SEMA4D: variants seen among roughly 807,000 people sequenced by gnomAD.
The protein encoded by SEMA4D is semaphorin 4D.
A neutral mutation model predicts 74.8 loss-of-function variants in SEMA4D; 22 were observed. The ratio of observed to expected loss-of-function variants is 0.29; its 90% CI spans 0.21 to 0.42. The LOEUF is 0.42. SEMA4D is among the 10% of genes least tolerant of loss of function. The probability of loss-of-function intolerance (pLI) is 1.00; values close to 1 mark genes in which losing one functional copy is unlikely to be tolerated. For missense variants in SEMA4D, 937 were observed against 1,118.4 expected (o/e 0.84, Z 2.31); for synonymous variants, 445 against 463.7 (o/e 0.96, Z 0.52).
downstream of SEMA4D, chr9:89,376,939 C>T (rs544520252): frequency 6.6e-5 from 103 of 1,550,776 alleles, no homozygotes; most frequent in South Asian, 9.4e-4. Context: ...TGTCGGGCCC[C>T]GCACCCGAGG....
chr9:89,450,105 G>C, intron 2 of SEMA4D: 1 of 1,222,892 alleles, frequency 8.2e-7, no homozygotes, highest in Non-Finnish European at 1.2e-6. Flanking sequence ...CATGCCAATA[G>C]AAGGTATGCT....
intron 16 of SEMA4D, among the ~76,000 whole-genome samples, chr9:89,371,951 G>T (rs1835002023): frequency 6.9e-6 from 1 of 144,150 alleles, no homozygotes; most frequent in Non-Finnish European, 1.5e-5. Context: ...GGTGTGTGTG[G>T]GGTGTGGTGT....
intron 2 of SEMA4D, among the ~76,000 whole-genome samples, chr9:89,415,241 T>C (rs1845468364): frequency 6.6e-6 from 1 of 152,120 alleles, no homozygotes; most frequent in Non-Finnish European, 1.5e-5. Flanking sequence ...CTAGCAAAAA[T>C]AATCATCTTC....
At chr9:89,439,028 C>T (rs1340817811) in intron 2 of SEMA4D, among the ~76,000 whole-genome samples, 1 of 119,608 alleles carries the variant, frequency 8.4e-6, no homozygotes, top group Non-Finnish European at 1.6e-5. Context: ...ATCGCCCAGG[C>T]TGGAATGCAA....
intron 3 of SEMA4D, among the ~76,000 whole-genome samples, chr9:89,404,106 A>G (rs1218624648): frequency 6.6e-6 from 1 of 152,150 alleles, no homozygotes; most frequent in African/African-American, 2.4e-5. Context: ...TAAGCTCTCA[A>G]TCCACTGAGT....
At chr9:89,371,463 G>GGTA (rs2132451971) in intron 16 of SEMA4D, among the ~76,000 whole-genome samples, 1 of 107,948 alleles carries the variant, frequency 9.3e-6, no homozygotes, top group East Asian at 2.9e-4. Context: ...TCTGGGGTGT[G>GGTA]TGTGTGGGGT....
chr9:89,401,464 A>C (rs1281788915), intron 4 of SEMA4D, among the ~76,000 whole-genome samples: 1 of 152,224 alleles, frequency 6.6e-6, no homozygotes, highest in Non-Finnish European at 1.5e-5. Context: ...TCTGGGCAGA[A>C]AATGTCCAGC....
chr9:89,385,912 C>G, intron 13 of SEMA4D: 1 of 755,450 alleles, frequency 1.3e-6, no homozygotes. Flanking sequence ...GTATTGCAGG[C>G]CAGACCAGAG....
At chr9:89,449,623 G>A in intron 2 of SEMA4D, 2 of 1,207,932 alleles carry the variant, frequency 1.7e-6, no homozygotes, top group Non-Finnish European at 1.2e-6. Flanking sequence ...CCAACTATAA[G>A]ATGGGGGGGT....
rs1836186994 is a variant in SEMA4D, at chr9:89,378,276, T to TA, written c.*427dup. 1 of 162,960 alleles carries TA rather than the reference T, an allele frequency of 6.1e-6. No individual in the cohort carries two copies. The highest frequency in any genetic ancestry group is 5.9e-5 in the Admixed American group (1 of 16,972). The allele number at this position is 162,960 out of a possible 1,614,324, so 10.1% of individuals were successfully genotyped here. A position where few individuals can be genotyped will look rare whatever the true frequency, so the allele number is the denominator to read the frequency against. ...TCGTGCCAATCTGGACAACAGGCGA[T>TA]AAGTTACCAATCTGATAAACTAAAA... On this transcript the variant is annotated 3_prime_UTR_variant, in exon 16 of 16. Transcript: ENST00000422704.
intron 2 of SEMA4D, among the ~76,000 whole-genome samples, chr9:89,410,476 A>T (rs1391701412): frequency 6.6e-6 from 1 of 152,172 alleles, no homozygotes; most frequent in East Asian, 1.9e-4. Flanking sequence ...CAACCTGGAA[A>T]ATGGAAGCAA....
At chr9:89,385,866 G>GGGGGGGGGGGGGGCCCCC in intron 13 of SEMA4D, 4 of 196,226 alleles carry the variant, frequency 2.0e-5, no homozygotes, top group Non-Finnish European at 3.6e-5. Flanking sequence ...CAGCGTGGAT[G>GGGGGGGGGGGGGGCCCCC]CCCGCCCACC....
chr9:89,392,719 C>T (rs539460761), intron 7 of SEMA4D, among the ~76,000 whole-genome samples, 183 bp from the exon 8 acceptor site: 2 of 151,596 alleles, frequency 1.3e-5, no homozygotes, highest in South Asian at 2.1e-4. Context: ...CTTTCTTTTT[C>T]GAGATGAGGT....
intron 1 of SEMA4D, among the ~76,000 whole-genome samples, chr9:89,471,151 C>T (rs1015787951): frequency 6.6e-6 from 1 of 152,156 alleles, no homozygotes; most frequent in Non-Finnish European, 1.5e-5. Flanking sequence ...AGAAACACTG[C>T]GTGATTCCAC....
chr9:89,365,066 C>T (rs1248040864), intron 16 of SEMA4D: 3 of 152,312 alleles, frequency 2.0e-5, no homozygotes, highest in Non-Finnish European at 4.4e-5. Flanking sequence ...GGCTCAACTC[C>T]CTGTTCTTAC....
At chr9:89,440,161 A>G (rs1357241459) in intron 2 of SEMA4D, among the ~76,000 whole-genome samples, 1 of 152,000 alleles carries the variant, frequency 6.6e-6, no homozygotes, top group Non-Finnish European at 1.5e-5. Flanking sequence ...TGGCATCTCC[A>G]TCCACACCCA....
chr9:89,370,536 TGTG>T (rs1218087248), intron 16 of SEMA4D, among the ~76,000 whole-genome samples: 4 of 148,686 alleles, frequency 2.7e-5, no homozygotes, highest in African/African-American at 7.5e-5. Context: ...GTGTGTGGCA[TGTG>T]GTGTGAGGGG....
intron 2 of SEMA4D, among the ~76,000 whole-genome samples, chr9:89,442,074 G>C (rs146249561): frequency 1.3e-5 from 2 of 150,116 alleles, no homozygotes; most frequent in African/African-American, 4.9e-5. Context: ...GGTGAGTTCA[G>C]CATGTTCCTG....
Position 89,484,974 on chromosome 9 carries a change from A to C in SEMA4D, c.-310+12945T>G, listed in dbSNP as rs907844768. Among the ~76,000 whole-genome samples the C allele has an allele frequency of 2.2e-4, 31 of 139,970 alleles. 1 individual carries two copies. The highest frequency in any genetic ancestry group is 7.4e-3 in the Middle Eastern group (2 of 270). The allele number at this position is 139,970 out of a possible 152,430, so 91.8% of individuals were successfully genotyped here. A position where few individuals can be genotyped will look rare whatever the true frequency, so the allele number is the denominator to read the frequency against. On this transcript the variant is annotated intron_variant, in intron 1 of 15. Transcript: ENST00000422704. The surrounding 1 kb of genome is among the most constrained non-coding windows in gnomAD (Gnocchi z 4.1). The stretch of plus-strand genomic sequence containing the variant: ...TGTACTGGGTGGGTGGTGGAGGCAT[A>C]TGTGTGTAGTATGTTGTGTGTGTGT...
Sources: allele counts gnomAD v4.1 joint callset (sites outside exome capture counted in the v4.1 genomes callset), GRCh38; gene constraint gnomAD v4.1.1; non-coding constraint Gnocchi (gnomAD v3.1); transcripts MANE v1.5; gene names NCBI Gene and HGNC (gene_info 2026-07-23, HGNC 2026-07-21).